The following CDC14A variants were observed in gnomAD, a reference collection of about 807,000 sequenced individuals.
The protein encoded by CDC14A is cell division cycle 14A.
Under a neutral mutation model 74.4 loss-of-function variants are expected in CDC14A, and 53 were observed. The ratio of observed to expected loss-of-function variants is 0.71; its 90% CI spans 0.57 to 0.89. The LOEUF is 0.89. CDC14A is among the 40% of genes least tolerant of loss of function. The pLI is 0.00. For missense variants in CDC14A, 646 were observed against 713.7 expected, an observed-to-expected ratio of 0.91 and a Z score of 1.08; for synonymous variants, 247 against 258.4, an observed-to-expected ratio of 0.96 and a Z score of 0.43.
intron 7 of CDC14A, among the ~76,000 whole-genome samples, chr1:100,444,834 G>A (rs925352492): frequency 2.0e-5 from 3 of 152,044 alleles, no homozygotes; most frequent in Non-Finnish European, 2.9e-5. Context: ...TGACCAAATA[G>A]AAAAACATAT....
chr1:100,514,159 G>T (rs1387508115), intron 15 of CDC14A, among the ~76,000 whole-genome samples: 1 of 86,854 alleles, frequency 1.2e-5, no homozygotes, highest in African/African-American at 3.0e-5. Flanking sequence ...TGTACTTCAG[G>T]TATAAAAATT....
chr1:100,355,588 A>G lies in CDC14A; in HGVS notation c.140+1736A>G, dbSNP rs141354180. Among the ~76,000 whole-genome samples the G allele has an allele frequency of 1.6e-3, 250 of 152,278 alleles. 1 individual carries two copies. Among genetic ancestry groups the G allele is most frequent in the Middle Eastern group, 6.8e-3 (2 of 294 alleles). ...AAAGACTTGCTGGAGAATCCATCCA[A>G]TTTATATTGTGAGTTGGGATTGACA... On this transcript the variant is annotated intron_variant, in intron 2 of 15. Transcript: ENST00000336454.
At chr1:100,382,472 A>T (rs1275476596) in intron 3 of CDC14A, among the ~76,000 whole-genome samples, 1 of 149,598 alleles carries the variant, frequency 6.7e-6, no homozygotes, top group African/African-American at 2.5e-5. Context: ...TTCTGGGCTT[A>T]AGCTAGCTTC....
At chr1:100,348,762 A>G (rs1244342553), upstream of CDC14A, among the ~76,000 whole-genome samples, 1 of 152,264 alleles carries the variant, frequency 6.6e-6, no homozygotes, top group Non-Finnish European at 1.5e-5. Flanking sequence ...GCCTCCAGGC[A>G]GAATTAGAAC....
At chr1:100,394,587 G>A (rs1658207812) in intron 4 of CDC14A, among the ~76,000 whole-genome samples, 3 of 152,198 alleles carry the variant, frequency 2.0e-5, no homozygotes, top group Non-Finnish European at 2.9e-5. Flanking sequence ...CCACTTTAAA[G>A]CAACCAAAAG....
rs78269143 is a variant in CDC14A at position 100,356,529 on chromosome 1, G to T, written c.140+2677G>T. On this transcript the variant is annotated intron_variant, in intron 2 of 15. Transcript: ENST00000336454. ...ATTAATACAGTAGCATCATTTAAGA[G>T]GGGTTGTTAAGGAGATAAGAGCCCA... Among the ~76,000 whole-genome samples the T allele has an allele frequency of 5.6e-3, 851 of 152,096 alleles. 7 individuals are homozygous for T. Among genetic ancestry groups the T allele is most frequent in the African/African-American group, 0.02 (817 of 41,494 alleles).
chr1:100,419,144 C>G lies in CDC14A; in HGVS notation c.310-5078C>G, dbSNP rs143539238. 3.5e-3 allele frequency among the ~76,000 whole-genome samples: 540 copies of G among 152,290 alleles called. 6 individuals carry two copies. Among genetic ancestry groups the G allele is most frequent in the African/African-American group, 0.012 (509 of 41,552 alleles). On this transcript the variant is annotated intron_variant, in intron 4 of 15. Transcript: ENST00000336454. ...GAGGTTGTAGTGAGCTGAGATTGTG[C>G]CACTGCACTCCAGCCTGTGTGACAG...
chr1:100,351,496 G>T (rs1477960710), upstream of CDC14A, among the ~76,000 whole-genome samples: 1 of 152,220 alleles, frequency 6.6e-6, no homozygotes, highest in African/African-American at 2.4e-5. Flanking sequence ...GTAGAGCCTC[G>T]CAGAGACAAG....
At chr1:100,419,622 T>A (rs1381019190) in intron 4 of CDC14A, among the ~76,000 whole-genome samples, 1 of 152,250 alleles carries the variant, frequency 6.6e-6, no homozygotes, top group East Asian at 1.9e-4. Flanking sequence ...TAAACCTAGT[T>A]GTCTGAAACT....
At chr1:100,355,738 C>T (rs1158844872) in intron 2 of CDC14A, among the ~76,000 whole-genome samples, 1 of 152,126 alleles carries the variant, frequency 6.6e-6, no homozygotes, top group African/African-American at 2.4e-5. Context: ...TTTGTTACCC[C>T]AACATATTAC....
In CDC14A at chr1:100,420,031, TACACACACAC is replaced by T. The variant is rs368385925; in HGVS notation, c.310-4167_310-4158del. Among the ~76,000 whole-genome samples, 124 of 82,906 alleles carry T rather than the reference TACACACACAC, an allele frequency of 1.5e-3. 2 individuals are homozygous for T. The highest frequency in any genetic ancestry group is 2.3e-3 in the Non-Finnish European group (88 of 37,736). 54.4% of individuals were successfully genotyped at this position (82,906 alleles called of 152,430 possible). On this transcript the variant is annotated intron_variant, in intron 4 of 15. Transcript: ENST00000336454. ...ATATATACATATATATATACATATA[TACACACACAC>T]ACACACACACACACACACACACATA... is the stretch of plus-strand genomic sequence containing the variant.
intron 7 of CDC14A, among the ~76,000 whole-genome samples, chr1:100,454,887 C>A (rs1485552920): frequency 6.6e-6 from 1 of 151,992 alleles, no homozygotes; most frequent in East Asian, 1.9e-4. Flanking sequence ...ATGGATGCGC[C>A]AATATCACTC....
chr1:100,377,378 G>A (rs965173904), intron 2 of CDC14A, among the ~76,000 whole-genome samples, 168 bp from the exon 3 acceptor site: 5 of 152,126 alleles, frequency 3.3e-5, no homozygotes, highest in Admixed American at 1.3e-4. Context: ...AGTAACTAGA[G>A]GGCATTAGGA....
rs113885721 is a variant in CDC14A at position 100,499,111 on chromosome 1, A to G, written c.1604A>G (p.Gln535Arg). ...AATTACCCTGAGCTCAACAATAATC[A>G]GTACAACAGAAGCAGCAACAGCAAC... Reference protein sequence around the residue: ...TRNYPELNNNQYNRSSNSNGG... With the variant: ...TRNYPELNNNRYNRSSNSNGG... The change falls in exon 15 of 16, where the codon CAG (glutamine) becomes CGG (arginine). Residue 535 changes from glutamine to arginine, a missense_variant. Gln to Arg is a conservative substitution (Grantham distance 43). Coordinates refer to ENST00000336454, the MANE Select transcript of CDC14A (RefSeq NM_003672.4). 3.8e-3 allele frequency: 6,187 copies of G among 1,614,196 alleles called. 16 individuals are homozygous for G. The highest frequency in any genetic ancestry group is 4.9e-3 in the Non-Finnish European group (5,737 of 1,180,034).
intron 2 of CDC14A, among the ~76,000 whole-genome samples, chr1:100,355,877 A>T (rs1289145314): frequency 2.0e-5 from 3 of 152,236 alleles, no homozygotes; most frequent in African/African-American, 7.2e-5. Flanking sequence ...CCCAAAGAGA[A>T]ATACAACCTC....
intron 10 of CDC14A, among the ~76,000 whole-genome samples, chr1:100,472,299 A>C (rs926170817): frequency 6.6e-6 from 1 of 152,196 alleles, no homozygotes; most frequent in African/African-American, 2.4e-5. Context: ...GTATGTGTGC[A>C]TTCAGAGTTA....
intron 10 of CDC14A, among the ~76,000 whole-genome samples, chr1:100,483,352 C>G (rs1331480684): frequency 6.6e-6 from 1 of 151,982 alleles, no homozygotes; most frequent in Non-Finnish European, 1.5e-5. Context: ...GCGTTTTAAC[C>G]TGAATTTTAT....
chr1:100,367,745 G>C (rs1570969873), intron 2 of CDC14A, among the ~76,000 whole-genome samples: 1 of 152,054 alleles, frequency 6.6e-6, no homozygotes, highest in Admixed American at 6.6e-5. Context: ...TCTTTTTGTG[G>C]GATATAAAGG....
At chr1:100,401,791 C>G (rs1659289729) in intron 4 of CDC14A, among the ~76,000 whole-genome samples, 1 of 152,130 alleles carries the variant, frequency 6.6e-6, no homozygotes, top group Admixed American at 6.5e-5. Flanking sequence ...GTAATCCCAG[C>G]ACTTTGGGAG....
Sources: gnomAD v4.1 joint callset for allele counts (sites outside exome capture counted in the v4.1 genomes callset) on GRCh38, gnomAD v4.1.1 for gene constraint, MANE v1.5 for transcripts, NCBI Gene and HGNC (gene_info 2026-07-23, HGNC 2026-07-21) for gene names.